The following PDE7A variants were observed in gnomAD, a reference collection of about 807,000 sequenced individuals.
PDE7A encodes phosphodiesterase 7A.
PDE7A carries 39 observed loss-of-function variants against 64.3 expected under a neutral mutation model. The observed-to-expected ratio is 0.61, with a 90% CI of 0.47 to 0.79. The LOEUF is 0.79. PDE7A is among the 30% of genes least tolerant of loss of function. The probability of loss-of-function intolerance (pLI) is 0.00; values close to 1 mark genes in which losing one functional copy is unlikely to be tolerated. For missense variants in PDE7A, 470 were observed against 582.8 expected (o/e 0.81, Z 1.99); for synonymous variants, 203 against 206.8 (o/e 0.98, Z 0.16).
At chr8:65,799,101 C>T (rs1470434909) in intron 1 of PDE7A, among the ~76,000 whole-genome samples, 1 of 152,056 alleles carries the variant, frequency 6.6e-6, no homozygotes, top group Non-Finnish European at 1.5e-5. Context: ...CTGGGGGGAA[C>T]CTATGGCAAA....
chr8:65,774,383 G>A (rs987049364), intron 3 of PDE7A, among the ~76,000 whole-genome samples: 2 of 152,052 alleles, frequency 1.3e-5, no homozygotes, highest in Non-Finnish European at 2.9e-5. Context: ...TAATCAGAAA[G>A]TTTAAAGAGC....
chr8:65,838,665 A>T (rs1811007156), intron 1 of PDE7A: 1 of 152,262 alleles, frequency 6.6e-6, no homozygotes, highest in Admixed American at 6.5e-5. Flanking sequence ...ACTAAAAATT[A>T]TTGTGTTATA....
intron 3 of PDE7A, among the ~76,000 whole-genome samples, chr8:65,760,489 G>A (rs1051427653): frequency 6.6e-6 from 1 of 152,148 alleles, no homozygotes; most frequent in Non-Finnish European, 1.5e-5. Flanking sequence ...GAATAGGAGT[G>A]CACTTCAATA....
At chr8:65,789,849 TAAGCATCAAGTAA>T (rs1395399207) in intron 1 of PDE7A, among the ~76,000 whole-genome samples, 1 of 152,224 alleles carries the variant, frequency 6.6e-6, no homozygotes, top group African/African-American at 2.4e-5. Flanking sequence ...GGCAGGGATA[TAAGCATCAAGTAA>T]AAGCAGACAA....
intron 1 of PDE7A, among the ~76,000 whole-genome samples, chr8:65,805,164 T>C (rs1810082742): frequency 6.6e-6 from 1 of 152,210 alleles, no homozygotes; most frequent in African/African-American, 2.4e-5. Flanking sequence ...TTTAATTCAT[T>C]GTATGAACAG....
At chr8:65,840,398 G>GCACACACACACACACACA (rs746987926) in intron 1 of PDE7A, among the ~76,000 whole-genome samples, 1 of 109,620 alleles carries the variant, frequency 9.1e-6, no homozygotes, top group African/African-American at 5.2e-5. Flanking sequence ...CACACTACCT[G>GCACACACACACACACACA]CACACACACA....
intron 1 of PDE7A, among the ~76,000 whole-genome samples, chr8:65,785,247 A>C (rs1167387428): frequency 6.6e-6 from 1 of 152,204 alleles, no homozygotes; most frequent in Admixed American, 6.5e-5. Flanking sequence ...AGGCTGAGGG[A>C]TACAGAGGTA....
chr8:65,789,035 G>A, intron 1 of PDE7A: 2 of 1,534,716 alleles, frequency 1.3e-6, no homozygotes, highest in Non-Finnish European at 1.8e-6. Context: ...CTGTCCCGAG[G>A]CAAAAGAGAG....
chr8:65,783,730 T>C (rs113092760), intron 1 of PDE7A, among the ~76,000 whole-genome samples: 36 of 151,704 alleles, frequency 2.4e-4, no homozygotes, highest in Admixed American at 2.6e-4. Flanking sequence ...ACAGGACCTA[T>C]TATTTAGTTA....
chr8:65,793,024 C>T (rs1809741606), intron 1 of PDE7A, among the ~76,000 whole-genome samples: 1 of 151,976 alleles, frequency 6.6e-6, no homozygotes, highest in Non-Finnish European at 1.5e-5. Context: ...TGACACTTTA[C>T]CAACAATTCA....
intron 1 of PDE7A, among the ~76,000 whole-genome samples, chr8:65,825,934 G>T (rs1325351511): frequency 6.6e-6 from 1 of 152,130 alleles, no homozygotes; most frequent in Non-Finnish European, 1.5e-5. Flanking sequence ...AAAACGAAGT[G>T]TAACAGGTAA....
intron 3 of PDE7A, among the ~76,000 whole-genome samples, chr8:65,773,145 A>G (rs542593593): frequency 5.3e-5 from 8 of 152,348 alleles, no homozygotes; most frequent in African/African-American, 1.9e-4. Context: ...TCATAGCAGG[A>G]GCACGTGCTC....
intron 10 of PDE7A, 114 bp downstream of exon 10, chr8:65,724,663 T>C (rs1585826264): frequency 1.1e-6 from 1 of 901,786 alleles, no homozygotes; most frequent in East Asian, 2.6e-5. Flanking sequence ...GGAAATTCTT[T>C]AGCTTGCCCT....
Position 65,838,909 on chromosome 8 carries a change from AT to A in PDE7A, c.138+2461del, listed in dbSNP as rs1272891208. On this transcript the variant is annotated intron_variant, in intron 1 of 12. Transcript: ENST00000401827. ...CGGCTTTAAGACGATCTCCAAATCA[AT>A]TTTGGTCACTCGGTCTTTTCTGTGT... Among the ~76,000 whole-genome samples the A allele has an allele frequency of 2.0e-5, 3 of 152,194 alleles. No individual in the cohort carries two copies. In the East Asian group the frequency reaches 5.8e-4, roughly 29 times the overall value.
intron 1 of PDE7A, among the ~76,000 whole-genome samples, chr8:65,788,546 T>C (rs773314004): frequency 1.3e-5 from 2 of 152,182 alleles, no homozygotes; most frequent in African/African-American, 2.4e-5. Context: ...AGAGAATGTT[T>C]AAAATATATA....
rs184190996 is a variant in PDE7A at position 65,716,437 on chromosome 8, T to C, written c.*2853A>G. ...AATGCATGTGCCAATCAGAAGCTGA[T>C]GTAGAGAAGCAACTACTGGCAGAGA... On this transcript the variant is annotated 3_prime_UTR_variant, in exon 13 of 13. Transcript: ENST00000401827. 2.0e-5 allele frequency among the ~76,000 whole-genome samples: 3 copies of C among 152,234 alleles called. No homozygotes were observed. Among genetic ancestry groups the C allele is most frequent in the Admixed American group, 2.0e-4 (3 of 15,290 alleles).
At chr8:65,841,051 G>C (rs957134609) in intron 1 of PDE7A, among the ~76,000 whole-genome samples, 1 of 152,196 alleles carries the variant, frequency 6.6e-6, no homozygotes, top group Non-Finnish European at 1.5e-5. Flanking sequence ...AAGGAATAAA[G>C]ACTCAACTTC....
In PDE7A at chr8:65,841,996, A is replaced by G; in HGVS notation, c.-488T>C. On this transcript the variant is annotated 5_prime_UTR_variant, in exon 1 of 13. Transcript: ENST00000401827. ...CCGCCGCCGCCGCCGCCGCCGCCGG[A>G]GTCCTGCTCCTCCCCTCCCCCGGAG... 4.4e-6 allele frequency: 1 copy of G among 227,476 alleles called. No individual in the cohort carries two copies. Among genetic ancestry groups the G allele is most frequent in the South Asian group, 4.2e-5 (1 of 23,684 alleles). The allele number at this position is 227,476 out of a possible 1,614,324, so 14.1% of individuals were successfully genotyped here.
chr8:65,812,626 AAAGAC>A (rs566917105), intron 1 of PDE7A, among the ~76,000 whole-genome samples: 31 of 152,340 alleles, frequency 2.0e-4, no homozygotes, highest in South Asian at 1.5e-3. Context: ...TAAAAAGTCA[AAAGAC>A]AAGACATTAG....
Sources: allele counts gnomAD v4.1 joint callset (sites outside exome capture counted in the v4.1 genomes callset), GRCh38; gene constraint gnomAD v4.1.1; transcripts MANE v1.5; gene names NCBI Gene and HGNC (gene_info 2026-07-23, HGNC 2026-07-21).